ZNF536: variants seen among roughly 807,000 people sequenced by gnomAD.
The protein encoded by ZNF536 is zinc finger protein 536.
In ZNF536, 13 loss-of-function variants were observed where a neutral mutation model predicts 84.5. The ratio of observed to expected loss-of-function variants is 0.15; its 90% confidence interval spans 0.10 to 0.24. ZNF536 has a LOEUF of 0.24. Among genes scored for constraint, ZNF536 ranks in the 10% least tolerant of loss-of-function variants. ZNF536 has a pLI of 1.00. For synonymous variants in ZNF536, 811 were observed against 742.5 expected, an observed-to-expected ratio of 1.09 and a Z score of -1.50; for missense variants, 1,536 against 1,747.5, an observed-to-expected ratio of 0.88 and a Z score of 2.16.
intron 1 of ZNF536, among the ~76,000 whole-genome samples, chr19:30,651,825 G>A (rs956821044): frequency 1.3e-5 from 2 of 152,224 alleles, no homozygotes; most frequent in African/African-American, 2.4e-5. Context: ...AAAATGAGGC[G>A]ATGAGGGCAG....
At chr19:30,577,346 C>T (rs1423989933) in intron 1 of ZNF536, among the ~76,000 whole-genome samples, 2 of 152,042 alleles carry the variant, frequency 1.3e-5, no homozygotes, top group African/African-American at 4.8e-5. Context: ...AGTGACACAA[C>T]TTCAGCCAGC....
At chr19:30,465,776 A>C (rs2053360117) in intron 2 of ZNF536, among the ~76,000 whole-genome samples, 2 of 152,036 alleles carry the variant, frequency 1.3e-5, no homozygotes, top group South Asian at 4.2e-4. Flanking sequence ...TTTGAGATGG[A>C]GTCTTGCTCT....
At chr19:30,613,747 G>A (rs967658678) in intron 1 of ZNF536, among the ~76,000 whole-genome samples, 4 of 152,196 alleles carry the variant, frequency 2.6e-5, no homozygotes, top group Non-Finnish European at 5.9e-5. Flanking sequence ...CAAATTGAGC[G>A]ACCATAGATA....
intron 2 of ZNF536, among the ~76,000 whole-genome samples, chr19:30,490,958 A>G (rs1231296194): frequency 3.3e-5 from 5 of 152,130 alleles, no homozygotes; most frequent in Non-Finnish European, 7.4e-5. Flanking sequence ...GTTAGCAATG[A>G]ACAGGAGTGG....
rs117255282 is a variant in ZNF536, at chr19:30,456,689, T to C, written c.2170+10957T>C. On this transcript the variant is annotated intron_variant, in intron 2 of 4. Transcript: ENST00000355537. ...ATTCACTTATTTATTCACTGAATGA[T>C]GAAATGCTTATTAAGTGGCTTCTGA... Among the ~76,000 whole-genome samples the C allele has an allele frequency of 6.3e-3, 959 of 152,300 alleles. 18 individuals are homozygous for C. The highest frequency in any genetic ancestry group is 0.041 in the Admixed American group (627 of 15,296).
rs997342814 is a variant in ZNF536, at chr19:30,317,688, A to G, written c.-120+33547A>G. 7.9e-5 allele frequency among the ~76,000 whole-genome samples: 12 copies of G among 152,198 alleles called. 1 individual carries two copies. Among genetic ancestry groups the G allele is most frequent in the Non-Finnish European group, 1.5e-5 (1 of 68,040 alleles). ...CTTCTGGAGGGGGAGATGAGTTTCAATGACCTCTGACCATTGTCTTTGGAG... is the reference window on the plus strand; with the variant it reads ...CTTCTGGAGGGGGAGATGAGTTTCAGTGACCTCTGACCATTGTCTTTGGAG... On this transcript the variant is annotated intron_variant, in intron 2 of 5. Transcript: ENST00000585628.
At chr19:30,289,426 A>T (rs1471582767) in intron 2 of ZNF536, among the ~76,000 whole-genome samples, 1 of 152,222 alleles carries the variant, frequency 6.6e-6, no homozygotes, top group Non-Finnish European at 1.5e-5. Flanking sequence ...CCCTGACAAG[A>T]TCACTGACCA....
chr19:30,649,424 C>T (rs149322244), intron 1 of ZNF536, among the ~76,000 whole-genome samples: 120 of 152,034 alleles, frequency 7.9e-4, no homozygotes, highest in Middle Eastern at 3.4e-3. Flanking sequence ...CGCTTTAATT[C>T]TAAACTTGTT....
rs1391873380 is a variant in ZNF536 at position 30,445,732 on chromosome 19, G to A, written c.2170G>A (p.Asp724Asn). The part of the protein sequence containing the change: ...SPHPSSPSSS[D>N]IGEEAGRSAG... Reference sequence around the variant, plus strand: ...GCACCCCTCCTCGCCATCCTCCTCAGGTAGGTTAGCTGAGAAGCGGGGAGA... The same window carrying A: ...GCACCCCTCCTCGCCATCCTCCTCAAGTAGGTTAGCTGAGAAGCGGGGAGA... Residue 724 changes from aspartate (D) to asparagine (N), a missense_variant and splice_region_variant, in exon 2 of 5, where the codon GAC becomes AAC. This residue lies in a region of ZNF536 where 148 missense variants were observed against 205.4 expected (regional missense o/e 0.72). Coordinates refer to ENST00000355537, the MANE Select transcript of ZNF536 (RefSeq NM_014717.3). This position sits in a 1 kb window ranked among gnomAD's most constrained non-coding sequence, Gnocchi z 4.5. 2 of 1,549,360 alleles carry A rather than the reference G, an allele frequency of 1.3e-6. No individual in the cohort carries two copies.
intron 1 of ZNF536, among the ~76,000 whole-genome samples, chr19:30,606,202 TAA>T (rs1405831582): frequency 0.011 from 1,311 of 119,196 alleles, 49 homozygotes; most frequent in African/African-American, 0.025. Flanking sequence ...AATAATAAAA[TAA>T]AATAAAATAA....
rs149602450 is a variant in ZNF536, at chr19:30,486,043, G to A, written c.2170+40311G>A. On this transcript the variant is annotated intron_variant, in intron 2 of 4. Transcript: ENST00000355537. ...ACTATTATCCATCAGGAAAGGGAGA[G>A]GGTGCTCAGTCTGCCAGTGACACAT... Among the ~76,000 whole-genome samples the A allele has an allele frequency of 4.4e-3, 673 of 152,104 alleles. 3 individuals are homozygous for A. Among genetic ancestry groups the A allele is most frequent in the South Asian group, 0.016 (79 of 4,796 alleles).
At chr19:30,290,899 C>G (rs1273417140) in intron 2 of ZNF536, among the ~76,000 whole-genome samples, 2 of 152,172 alleles carry the variant, frequency 1.3e-5, no homozygotes, top group Non-Finnish European at 2.9e-5. Flanking sequence ...TCCATGTGTT[C>G]TCATTGTTCA....
At chr19:30,629,689 C>T (rs569891722) in intron 1 of ZNF536, among the ~76,000 whole-genome samples, 1 of 152,332 alleles carries the variant, frequency 6.6e-6, no homozygotes, top group African/African-American at 2.4e-5. Flanking sequence ...GTCCCTCAGT[C>T]CTCATAGGCT....
intron 1 of ZNF536, among the ~76,000 whole-genome samples, chr19:30,248,224 C>CTTTTTTTTTTTTTTTTT (rs58799737): frequency 7.6e-6 from 1 of 131,004 alleles, no homozygotes; most frequent in Admixed American, 8.1e-5. Context: ...TCTTTTCTTT[C>CTTTTTTTTTTTTTTTTT]TTTTTTTTTT....
In ZNF536 at chr19:30,605,907, A is replaced by G. The variant is rs1599960985; in HGVS notation, c.169+56393A>G. Among the ~76,000 whole-genome samples, 2 of 152,160 alleles carry G rather than the reference A, an allele frequency of 1.3e-5. 1 individual carries two copies. Among genetic ancestry groups the G allele is most frequent in the Admixed American group, 1.3e-4 (2 of 15,276 alleles). ...GCCGTGCTGCTTCAGGTTTTGAGGG[A>G]GTCAAATTGCTACTTAGGACAGAAA... On this transcript the variant is annotated intron_variant, in intron 1 of 1. Coordinates refer to the ZNF536 transcript ENST00000592773.
intron 1 of ZNF536, among the ~76,000 whole-genome samples, chr19:30,695,823 A>G (rs1600296375): frequency 6.6e-6 from 1 of 152,122 alleles, no homozygotes; most frequent in Non-Finnish European, 1.5e-5. Context: ...AAGAGGGTTT[A>G]CAGGGACAGG....
At chr19:30,623,033 T>G (rs892460149) in intron 1 of ZNF536, among the ~76,000 whole-genome samples, 6 of 135,454 alleles carry the variant, frequency 4.4e-5, no homozygotes, top group East Asian at 2.1e-4. Flanking sequence ...TTTTTTTTTG[T>G]TTTTTTGTTT....
At position 30,435,739 on chromosome 19, in the gene ZNF536, G is replaced by A. The variant is rs1051705052; in HGVS notation, c.-2-7822G>A. Among the ~76,000 whole-genome samples the A allele has an allele frequency of 3.3e-5, 5 of 152,044 alleles. No individual in the cohort carries two copies. In the South Asian group the frequency reaches 8.3e-4, roughly 25 times the overall value. On this transcript the variant is annotated intron_variant, in intron 1 of 4. Transcript: ENST00000355537. ...ACTTGCCTGGCTTTGTGTGGTATAG[G>A]CAGAAGGTGACCCAGGGATCCAGAC... is the stretch of plus-strand genomic sequence containing the variant.
intron 4 of ZNF536, among the ~76,000 whole-genome samples, chr19:30,553,636 C>T (rs991817893): frequency 6.6e-6 from 1 of 152,204 alleles, no homozygotes; most frequent in Non-Finnish European, 1.5e-5. Flanking sequence ...TAGTGACTGC[C>T]ACTCAGGGAA....
Sources: allele counts gnomAD v4.1 joint callset (sites outside exome capture counted in the v4.1 genomes callset), GRCh38; gene constraint gnomAD v4.1.1; regional missense constraint gnomAD v4.1.1; non-coding constraint Gnocchi (gnomAD v3.1); transcripts MANE v1.5; gene names NCBI Gene and HGNC (gene_info 2026-07-23, HGNC 2026-07-21).